The following NAALADL2 variants were observed in gnomAD, a reference collection of about 807,000 sequenced individuals.
NAALADL2 encodes the protein N-acetylated alpha-linked acidic dipeptidase like 2, also known as inactive N-acetylated-alpha-linked acidic dipeptidase-like protein 2.
In NAALADL2, 76 loss-of-function variants were observed where a neutral mutation model predicts 87.2. The observed-to-expected ratio is 0.87, with a 90% CI of 0.72 to 1.05. The LOEUF is 1.05. Ranked by LOEUF, NAALADL2 falls within the 50% of genes least tolerant of loss-of-function variation. The pLI is 0.00. For synonymous variants in NAALADL2, 354 were observed against 331.0 expected (o/e 1.07, Z -0.75); for missense variants, 1,089 against 945.8 (o/e 1.15, Z -1.99).
At chr3:175,686,848 CAGT>C (rs1736364888) in intron 11 of NAALADL2, among the ~76,000 whole-genome samples, 1 of 152,076 alleles carries the variant, frequency 6.6e-6, no homozygotes, top group Non-Finnish European at 1.5e-5. Context: ...CATGAAAAAA[CAGT>C]GGTGAAAATT....
At chr3:175,115,011 A>G (rs2108518674) in intron 2 of NAALADL2, among the ~76,000 whole-genome samples, 1 of 151,826 alleles carries the variant, frequency 6.6e-6, no homozygotes, top group South Asian at 2.1e-4. Context: ...TAAATATCTG[A>G]AACTGAAGCA....
chr3:175,169,153 A>G (rs1422838764), intron 2 of NAALADL2, among the ~76,000 whole-genome samples: 2 of 151,768 alleles, frequency 1.3e-5, no homozygotes, highest in African/African-American at 2.4e-5. Flanking sequence ...TTCTAAATAG[A>G]TTTATTTTTA....
At chr3:174,926,725 C>T (rs545019558) in intron 1 of NAALADL2, among the ~76,000 whole-genome samples, 1 of 152,274 alleles carries the variant, frequency 6.6e-6, no homozygotes, top group East Asian at 1.9e-4. Flanking sequence ...TGGAAAGGAA[C>T]AACTGGTTCC....
At chr3:175,262,334 T>C (rs988860345) in intron 4 of NAALADL2, among the ~76,000 whole-genome samples, 2 of 152,072 alleles carry the variant, frequency 1.3e-5, no homozygotes, top group African/African-American at 4.8e-5. Flanking sequence ...TTAAGAACAT[T>C]TGTTCAATCC....
chr3:175,149,953 A>G (rs540331750), intron 2 of NAALADL2, among the ~76,000 whole-genome samples: 1 of 152,288 alleles, frequency 6.6e-6, no homozygotes, highest in South Asian at 2.1e-4. Context: ...AACATCTGGT[A>G]GCAACAGGTG....
chr3:175,349,015 G>T (rs536255250), intron 5 of NAALADL2, among the ~76,000 whole-genome samples: 2 of 152,046 alleles, frequency 1.3e-5, no homozygotes, highest in Non-Finnish European at 2.9e-5. Context: ...ATGCATATAC[G>T]TAGAGGAACA....
intron 2 of NAALADL2, among the ~76,000 whole-genome samples, chr3:175,102,876 A>G (rs6800318): frequency 0.64 from 97,893 of 151,952 alleles, 31,979 homozygotes; most frequent in African/African-American, 0.77. Flanking sequence ...TTGGGAGGAC[A>G]AAGCAGGCAG....
chr3:174,910,934 G>T (rs1733609211), intron 1 of NAALADL2, among the ~76,000 whole-genome samples: 1 of 152,068 alleles, frequency 6.6e-6, no homozygotes, highest in South Asian at 2.1e-4. Context: ...CTGACAAGCA[G>T]GGCGAAAGGG....
At chr3:174,995,869 A>G (rs1747375312) in intron 1 of NAALADL2, among the ~76,000 whole-genome samples, 1 of 152,152 alleles carries the variant, frequency 6.6e-6, no homozygotes, top group South Asian at 2.1e-4. Context: ...GGATTGAGTA[A>G]GTAAACCAGA....
At chr3:174,981,606 A>G (rs1745122093) in intron 1 of NAALADL2, among the ~76,000 whole-genome samples, 1 of 152,216 alleles carries the variant, frequency 6.6e-6, no homozygotes, top group African/African-American at 2.4e-5. Flanking sequence ...ATCAAATGTA[A>G]ATATACTATC....
chr3:174,661,265 A>G (rs1725475126), intron 2 of NAALADL2, among the ~76,000 whole-genome samples: 1 of 152,170 alleles, frequency 6.6e-6, no homozygotes, highest in Non-Finnish European at 1.5e-5. Flanking sequence ...ATTGGCTTCC[A>G]TTCTTAGAAA....
At chr3:174,871,389 C>T (rs879038758) in intron 1 of NAALADL2, among the ~76,000 whole-genome samples, 1 of 152,148 alleles carries the variant, frequency 6.6e-6, no homozygotes, top group African/African-American at 2.4e-5. Context: ...ATGCTATAAA[C>T]TTCGGGAAAT....
chr3:175,235,016 A>G (rs1745587432), intron 3 of NAALADL2: 2 of 151,814 alleles, frequency 1.3e-5, no homozygotes, highest in Non-Finnish European at 2.9e-5. Context: ...TCTATGGACT[A>G]GTTTTCTAAC....
At chr3:175,173,752 G>T (rs895377737) in intron 2 of NAALADL2, among the ~76,000 whole-genome samples, 1 of 152,166 alleles carries the variant, frequency 6.6e-6, no homozygotes, top group African/African-American at 2.4e-5. Flanking sequence ...TTGCAAGCAC[G>T]TTTATTAGTG....
At chr3:174,630,419 G>A (rs917193519) in intron 2 of NAALADL2, among the ~76,000 whole-genome samples, 6 of 152,116 alleles carry the variant, frequency 3.9e-5, no homozygotes, top group Non-Finnish European at 7.4e-5. Flanking sequence ...TTATAAGCCA[G>A]TATGATTTCT....
At chr3:175,524,971 CA>C (rs1658867917) in intron 9 of NAALADL2, among the ~76,000 whole-genome samples, 4 of 152,016 alleles carry the variant, frequency 2.6e-5, no homozygotes, top group Admixed American at 2.6e-4. Flanking sequence ...TTGTGTATGG[CA>C]GCAAAAAGAA....
chr3:175,698,445 A>G lies in NAALADL2; in HGVS notation c.1897-38861A>G, dbSNP rs1177217012. Among the ~76,000 whole-genome samples, 54 of 136,166 alleles carry G rather than the reference A, an allele frequency of 4.0e-4. 12 individuals are homozygous for G. Among genetic ancestry groups the G allele is most frequent in the African/African-American group, 1.2e-3 (42 of 34,586 alleles). 89.3% of individuals were successfully genotyped at this position (136,166 alleles called of 152,430 possible). On this transcript the variant is annotated intron_variant, in intron 11 of 13. Coordinates refer to ENST00000454872, the MANE Select transcript of NAALADL2 (RefSeq NM_207015.3). ...CATATGTATGTGTATATATTTATGT[A>G]TGTATACATATATGTGTATATATGT...
At chr3:174,477,037 A>C (rs764146412) in intron 1 of NAALADL2, among the ~76,000 whole-genome samples, 11 of 151,860 alleles carry the variant, frequency 7.2e-5, no homozygotes, top group Non-Finnish European at 1.5e-4. Flanking sequence ...AATTAAAGAA[A>C]AGCCAGGTGA....
intron 2 of NAALADL2, among the ~76,000 whole-genome samples, chr3:175,212,696 G>T (rs1304825889): frequency 6.6e-6 from 1 of 151,070 alleles, no homozygotes; most frequent in African/African-American, 2.4e-5. Context: ...GCATTGATTT[G>T]TTGGTTACCC....
Sources: gnomAD v4.1 joint callset for allele counts (sites outside exome capture counted in the v4.1 genomes callset) on GRCh38, gnomAD v4.1.1 for gene constraint, MANE v1.5 for transcripts, NCBI Gene and HGNC (gene_info 2026-07-23, HGNC 2026-07-21) for gene names.